Variants in PRMT8 observed in about 807,000 individuals in gnomAD.
The protein encoded by PRMT8 is protein arginine methyltransferase 8.
PRMT8 carries 7 observed loss-of-function variants against 47.1 expected under a neutral mutation model. The observed-to-expected ratio is 0.15, with a 90% confidence interval of 0.08 to 0.28. PRMT8 has a LOEUF of 0.28. PRMT8 is among the 10% of genes least tolerant of loss of function. The probability of loss-of-function intolerance (pLI) is 1.00; values close to 1 mark genes in which losing one functional copy is unlikely to be tolerated. For missense variants in PRMT8, 237 were observed against 505.4 expected (o/e 0.47, Z 5.09); for synonymous variants, 188 against 186.5 (o/e 1.01, Z -0.07).
At chr12:3,588,180 G>A (rs1341418095) in intron 8 of PRMT8, among the ~76,000 whole-genome samples, 1 of 152,200 alleles carries the variant, frequency 6.6e-6, no homozygotes, top group Non-Finnish European at 1.5e-5. Flanking sequence ...TGCGCCTTGG[G>A]CTCAGGCAGC....
At chr12:3,488,162 G>A (rs1179489360), upstream of PRMT8, among the ~76,000 whole-genome samples, 1 of 152,170 alleles carries the variant, frequency 6.6e-6, no homozygotes, top group Non-Finnish European at 1.5e-5. Flanking sequence ...ACCTCAAAAA[G>A]CTGTTGAACG....
rs74598302 is a variant in PRMT8, at chr12:3,407,598, C to T, written c.48+26156C>T. On this transcript the variant is annotated intron_variant, in intron 1 of 9. Transcript: ENST00000452611. ...TGATTATAATATGCCTTGAAGAGGACCTCTTTGGGTTGAATCTGTCAGGGG... is the reference window on the plus strand; with the variant it reads ...TGATTATAATATGCCTTGAAGAGGATCTCTTTGGGTTGAATCTGTCAGGGG... Among the ~76,000 whole-genome samples, 647 of 152,158 alleles carry T rather than the reference C, an allele frequency of 4.3e-3. 2 individuals carry two copies. The highest frequency in any genetic ancestry group is 0.013 in the African/African-American group (537 of 41,508).
At chr12:3,415,375 C>T (rs1489224370) in intron 1 of PRMT8, among the ~76,000 whole-genome samples, 1 of 152,116 alleles carries the variant, frequency 6.6e-6, no homozygotes, top group African/African-American at 2.4e-5. Context: ...AGATCATTGG[C>T]CATTGGTGAT....
At chr12:3,506,011 A>G (rs2137123801) in intron 1 of PRMT8, among the ~76,000 whole-genome samples, 1 of 152,312 alleles carries the variant, frequency 6.6e-6, no homozygotes, top group Middle Eastern at 3.4e-3. Flanking sequence ...AGGAAGGACA[A>G]TAAATAACTA....
At chr12:3,429,645 A>T (rs1864652615) in intron 1 of PRMT8, among the ~76,000 whole-genome samples, 1 of 152,258 alleles carries the variant, frequency 6.6e-6, no homozygotes, top group Non-Finnish European at 1.5e-5. Flanking sequence ...CAGGCATGTC[A>T]TGGGTGATCA....
rs1324380413 is a variant in PRMT8 at position 3,493,569 on chromosome 12, C to T, written c.75+1869C>T. Reference sequence around the variant, plus strand: ...CTGCCGCGCGGGGTCTGGGTGCAGACCCCTGCCAGGTTCCGCAGTGTGCAG... The same window carrying T: ...CTGCCGCGCGGGGTCTGGGTGCAGATCCCTGCCAGGTTCCGCAGTGTGCAG... On this transcript the variant is annotated intron_variant, in intron 1 of 9. Transcript: ENST00000382622. This position sits in a 1 kb window ranked among gnomAD's most constrained non-coding sequence, Gnocchi z 8.2. 2.0e-5 allele frequency among the ~76,000 whole-genome samples: 3 copies of T among 152,222 alleles called. No homozygotes were observed. The East Asian group carries it at 5.8e-4, about 29-fold the overall frequency.
intron 1 of PRMT8, among the ~76,000 whole-genome samples, chr12:3,448,528 G>T (rs888645917): frequency 3.9e-5 from 6 of 152,016 alleles, no homozygotes; most frequent in African/African-American, 7.3e-5. Context: ...CTGAAATTTT[G>T]GACTAGATAC....
At chr12:3,411,638 A>G (rs1385634846) in intron 1 of PRMT8, among the ~76,000 whole-genome samples, 1 of 152,190 alleles carries the variant, frequency 6.6e-6, no homozygotes, top group African/African-American at 2.4e-5. Flanking sequence ...TCACATGTAG[A>G]TGATATTTGG....
chr12:3,460,805 G>A (rs1439957655), intron 1 of PRMT8, among the ~76,000 whole-genome samples: 2 of 152,208 alleles, frequency 1.3e-5, no homozygotes, highest in Non-Finnish European at 2.9e-5. Flanking sequence ...ATGGTCAAGA[G>A]AAAGCCAGGT....
rs182841469 is a variant in PRMT8, at chr12:3,569,606, A to G, written c.712+42A>G. 1.7e-5 allele frequency: 26 copies of G among 1,544,774 alleles called. No homozygotes were observed. Among genetic ancestry groups the G allele is most frequent in the East Asian group, 1.1e-4 (5 of 44,528 alleles). ...TTCTCCGGTGGACTTCCACTGCACAATTGGGGTGGGAGGCACTCCAGTGGG... is the reference window on the plus strand; with the variant it reads ...TTCTCCGGTGGACTTCCACTGCACAGTTGGGGTGGGAGGCACTCCAGTGGG... On this transcript the variant is annotated intron_variant, in intron 6 of 9. Transcript: ENST00000382622. The surrounding 1 kb of genome is among the most constrained non-coding windows in gnomAD (Gnocchi z 8.2).
intron 1 of PRMT8, among the ~76,000 whole-genome samples, chr12:3,506,750 C>T (rs1403352660): frequency 6.6e-6 from 1 of 152,152 alleles, no homozygotes; most frequent in Non-Finnish European, 1.5e-5. Flanking sequence ...GACACGCTGT[C>T]TCAGGCTTCT....
At chr12:3,478,318 A>ACC (rs1555083552) in intron 1 of PRMT8, among the ~76,000 whole-genome samples, 13 of 151,722 alleles carry the variant, frequency 8.6e-5, no homozygotes, top group African/African-American at 3.2e-4. Context: ...CTACCTACCT[A>ACC]TCTATCTGTC....
At chr12:3,387,994 T>A (rs185404923) in intron 1 of PRMT8, among the ~76,000 whole-genome samples, 29 of 152,096 alleles carry the variant, frequency 1.9e-4, no homozygotes, top group Admixed American at 1.4e-3. Flanking sequence ...TTATTCAAAT[T>A]TGCCTTATTT....
rs1490348413 is a variant in PRMT8 at position 3,579,456 on chromosome 12, G to T, written c.828+2470G>T. On this transcript the variant is annotated intron_variant, in intron 7 of 9. Transcript: ENST00000382622. ...CCAGGGGCAAAGCAGCCAAGGAGCG[G>T]CTGGAGGGGTGTGTGTTCCGTACAC... Among the ~76,000 whole-genome samples, 5 of 152,270 alleles carry T rather than the reference G, an allele frequency of 3.3e-5. No individual in the cohort carries two copies. In the South Asian group the frequency reaches 1.0e-3, roughly 32 times the overall value.
Position 3,552,474 on chromosome 12 carries a change from C to T in PRMT8, c.418-1177C>T, listed in dbSNP as rs763010343. Reference sequence around the variant, plus strand: ...CCAGGCATAAATCCAGGCCTGGCTCCGGGTCGCATGCTCCTCATCACTCAA... The same window carrying T: ...CCAGGCATAAATCCAGGCCTGGCTCTGGGTCGCATGCTCCTCATCACTCAA... On this transcript the variant is annotated intron_variant, in intron 3 of 9. Transcript: ENST00000382622. This position sits in a 1 kb window ranked among gnomAD's most constrained non-coding sequence, Gnocchi z 4.5. 9 of 271,916 alleles carry T rather than the reference C, an allele frequency of 3.3e-5. No individual in the cohort carries two copies. Among genetic ancestry groups the T allele is most frequent in the Non-Finnish European group, 5.9e-5 (8 of 134,462 alleles). 16.8% of individuals were successfully genotyped at this position (271,916 alleles called of 1,614,324 possible).
chr12:3,526,228 AGT>A (rs955342677), intron 1 of PRMT8, among the ~76,000 whole-genome samples: 5 of 152,214 alleles, frequency 3.3e-5, no homozygotes, highest in Non-Finnish European at 7.3e-5. Flanking sequence ...ATAATATTAA[AGT>A]GTGTGTGTAT....
At chr12:3,537,828 T>C (rs1451532024) in intron 1 of PRMT8, among the ~76,000 whole-genome samples, 1 of 152,210 alleles carries the variant, frequency 6.6e-6, no homozygotes, top group Non-Finnish European at 1.5e-5. Context: ...ATTTCTTGAC[T>C]GGACTTTGAA....
chr12:3,586,754 G>A (rs1015974920), intron 8 of PRMT8, among the ~76,000 whole-genome samples: 9 of 152,172 alleles, frequency 5.9e-5, no homozygotes, highest in African/African-American at 2.2e-4. Context: ...TGAACCAGAG[G>A]GTTGAGAATT....
chr12:3,435,638 C>T (rs1269000210), intron 1 of PRMT8, among the ~76,000 whole-genome samples: 1 of 151,358 alleles, frequency 6.6e-6, no homozygotes, highest in Admixed American at 6.6e-5. Context: ...TCTCCTGCCT[C>T]AGCCTCCTGA....
Sources: allele counts gnomAD v4.1 joint callset (sites outside exome capture counted in the v4.1 genomes callset), GRCh38; gene constraint gnomAD v4.1.1; non-coding constraint Gnocchi (gnomAD v3.1); transcripts MANE v1.5; gene names NCBI Gene and HGNC (gene_info 2026-07-23, HGNC 2026-07-21).